Variants in SLC9A9 observed in about 807,000 individuals in gnomAD.
SLC9A9 encodes sodium/hydrogen exchanger 9.
In SLC9A9, 62 loss-of-function variants were observed where a neutral mutation model predicts 77.8. The ratio of observed to expected loss-of-function variants is 0.80; its 90% CI spans 0.65 to 0.98. SLC9A9 has a LOEUF of 0.98. Ranked by LOEUF, SLC9A9 falls within the 50% of genes least tolerant of loss-of-function variation. The probability of loss-of-function intolerance (pLI) is 0.00; values close to 1 mark genes in which losing one functional copy is unlikely to be tolerated. For missense variants in SLC9A9, 775 were observed against 774.9 expected, an observed-to-expected ratio of 1.00 and a Z score of 0.00; for synonymous variants, 320 against 283.5, an observed-to-expected ratio of 1.13 and a Z score of -1.29.
At chr3:143,818,558 C>T (rs1196935138) in intron 2 of SLC9A9, among the ~76,000 whole-genome samples, 7 of 150,220 alleles carry the variant, frequency 4.7e-5, no homozygotes, top group Admixed American at 2.7e-4. Context: ...CCACCGGCCT[C>T]AGCCTCCCAA....
intron 4 of SLC9A9, among the ~76,000 whole-genome samples, chr3:143,703,068 T>C (rs1457096043): frequency 9.3e-6 from 1 of 107,298 alleles, no homozygotes; most frequent in East Asian, 2.2e-4. Flanking sequence ...CCCAGATATA[T>C]AAAGCAAAAA....
At position 143,391,653 on chromosome 3, in the gene SLC9A9, G is replaced by A. The variant is rs534778385; in HGVS notation, c.1470-9539C>T. ...AGGCTTCAAACGATCAAACTTCTCC[G>A]AGCTAAAGGAGGAAGTTTGACCCCC... On this transcript the variant is annotated intron_variant, in intron 12 of 15. Transcript: ENST00000316549. Among the ~76,000 whole-genome samples the A allele has an allele frequency of 3.2e-4, 49 of 152,282 alleles. 1 individual carries two copies. Among genetic ancestry groups the A allele is most frequent in the East Asian group, 2.1e-3 (11 of 5,176 alleles).
chr3:143,408,425 G>A (rs2034026176), intron 12 of SLC9A9, among the ~76,000 whole-genome samples: 1 of 152,162 alleles, frequency 6.6e-6, no homozygotes, highest in African/African-American at 2.4e-5. Flanking sequence ...ATGTTCATAA[G>A]GCCTGTTCAG....
chr3:143,678,785 G>A (rs1434172605), intron 5 of SLC9A9, among the ~76,000 whole-genome samples: 1 of 152,130 alleles, frequency 6.6e-6, no homozygotes, highest in African/African-American at 2.4e-5. Context: ...GTTTAAAGTG[G>A]TAAGTTTTCA....
intron 12 of SLC9A9, among the ~76,000 whole-genome samples, chr3:143,386,932 C>T (rs1424418882): frequency 6.6e-6 from 1 of 152,218 alleles, no homozygotes; most frequent in African/African-American, 2.4e-5. Context: ...CCTCCACCTC[C>T]TGGGTTCAAG....
chr3:143,723,563 C>T (rs951438782), intron 4 of SLC9A9, among the ~76,000 whole-genome samples: 2 of 152,148 alleles, frequency 1.3e-5, no homozygotes, highest in Non-Finnish European at 2.9e-5. Context: ...GGTTGTTTGC[C>T]CTATCGAAAA....
At chr3:143,805,395 C>T (rs895890835) in intron 2 of SLC9A9, among the ~76,000 whole-genome samples, 14 of 151,978 alleles carry the variant, frequency 9.2e-5, no homozygotes, top group African/African-American at 3.4e-4. Context: ...CTCTCCATGC[C>T]ACCCCCCAAA....
chr3:143,275,460 C>T (rs775112488), intron 14 of SLC9A9, among the ~76,000 whole-genome samples: 19 of 152,090 alleles, frequency 1.2e-4, no homozygotes, highest in Admixed American at 2.0e-4. Context: ...CCTTGCTTTG[C>T]GTTTCTTCTT....
chr3:143,589,176 A>G (rs1035336840), intron 6 of SLC9A9, among the ~76,000 whole-genome samples: 9 of 152,206 alleles, frequency 5.9e-5, no homozygotes, highest in African/African-American at 1.9e-4. Context: ...AGCATTCACT[A>G]TGTGTCAAGC....
At chr3:143,826,945 T>C (rs1350945285) in intron 2 of SLC9A9, among the ~76,000 whole-genome samples, 1 of 152,234 alleles carries the variant, frequency 6.6e-6, no homozygotes, top group African/African-American at 2.4e-5. Context: ...CTCATTCATT[T>C]ATTCATATGC....
rs79837316 is a variant in SLC9A9, at chr3:143,539,588, C to A, written c.1089+12774G>T. Among the ~76,000 whole-genome samples, 1,352 of 152,188 alleles carry A rather than the reference C, an allele frequency of 8.9e-3. 21 individuals are homozygous for A. The highest frequency in any genetic ancestry group is 0.031 in the African/African-American group (1,285 of 41,524). On this transcript the variant is annotated intron_variant, in intron 9 of 15. Transcript: ENST00000316549. Reference sequence around the variant, plus strand: ...ATCATTCTAAAATGCCATTATGAGACTGAAGCCCTTCATACTTACACCTAT... The same window carrying A: ...ATCATTCTAAAATGCCATTATGAGAATGAAGCCCTTCATACTTACACCTAT...
At chr3:143,662,516 A>G (rs2038994660) in intron 5 of SLC9A9, among the ~76,000 whole-genome samples, 1 of 152,184 alleles carries the variant, frequency 6.6e-6, no homozygotes, top group Non-Finnish European at 1.5e-5. Context: ...CTCACCCGAG[A>G]AGTGCAAGGG....
At chr3:143,423,248 T>TACACACAC (rs377276883) in intron 12 of SLC9A9, among the ~76,000 whole-genome samples, 10,983 of 143,708 alleles carry the variant, frequency 0.076, 512 homozygotes, top group Non-Finnish European at 0.1. Flanking sequence ...CACGCGCGTG[T>TACACACAC]ACACACACAC....
chr3:143,383,962 T>C lies in SLC9A9; in HGVS notation c.1470-1848A>G, dbSNP rs560340907. On this transcript the variant is annotated intron_variant, in intron 12 of 15. Transcript: ENST00000316549. ...TGATTCTTCACAGGTAAGTGTCTTCTGGACATGAATAGCCCCATCTCTCTA... is the reference window on the plus strand; with the variant it reads ...TGATTCTTCACAGGTAAGTGTCTTCCGGACATGAATAGCCCCATCTCTCTA... 3.3e-5 allele frequency among the ~76,000 whole-genome samples: 5 copies of C among 152,352 alleles called. No individual in the cohort carries two copies. The South Asian group carries it at 8.3e-4, about 25-fold the overall frequency.
intron 4 of SLC9A9, among the ~76,000 whole-genome samples, chr3:143,764,110 G>T (rs112150696): frequency 7.9e-5 from 12 of 152,204 alleles, no homozygotes; most frequent in African/African-American, 2.9e-4. Flanking sequence ...CTCTGACAGG[G>T]TAAGGAAAGG....
chr3:143,719,928 CTGCTCCCACGAT>C (rs1323793666), intron 4 of SLC9A9, among the ~76,000 whole-genome samples: 5 of 152,116 alleles, frequency 3.3e-5, no homozygotes, highest in Non-Finnish European at 7.4e-5. Context: ...TCCTGGAAAA[CTGCTCCCACGAT>C]TGCTCCCACT....
At chr3:143,407,986 G>A (rs2034015316) in intron 12 of SLC9A9, among the ~76,000 whole-genome samples, 2 of 152,186 alleles carry the variant, frequency 1.3e-5, no homozygotes, top group South Asian at 2.1e-4. Flanking sequence ...GGCCAATTAA[G>A]TTCCTGCGGA....
At chr3:143,543,442 T>C (rs1189378543) in intron 9 of SLC9A9, among the ~76,000 whole-genome samples, 2 of 152,086 alleles carry the variant, frequency 1.3e-5, no homozygotes, top group Non-Finnish European at 2.9e-5. Flanking sequence ...TTTTGTTACA[T>C]GGCATATTGC....
At chr3:143,566,980 A>G (rs1480781310) in intron 8 of SLC9A9, among the ~76,000 whole-genome samples, 1 of 152,142 alleles carries the variant, frequency 6.6e-6, no homozygotes, top group African/African-American at 2.4e-5. Flanking sequence ...TCCATTGGAG[A>G]TATGCTATAA....
Sources: allele counts gnomAD v4.1 joint callset (sites outside exome capture counted in the v4.1 genomes callset), GRCh38; gene constraint gnomAD v4.1.1; transcripts MANE v1.5; gene names NCBI Gene and HGNC (gene_info 2026-07-23, HGNC 2026-07-21).